Variants in MDGA2 observed in about 807,000 individuals in gnomAD.
MDGA2 encodes MAM domain containing glycosylphosphatidylinositol anchor 2.
A neutral mutation model predicts 117.8 loss-of-function variants in MDGA2; 40 were observed. That is an observed-to-expected ratio of 0.34 (90% CI 0.26 to 0.44). The LOEUF is 0.44. Among genes scored for constraint, MDGA2 ranks in the 20% least tolerant of loss-of-function variants. MDGA2 has a pLI of 1.00. For missense variants in MDGA2, 1,123 were observed against 1,250.6 expected (o/e 0.90, Z 1.54); for synonymous variants, 452 against 439.0 (o/e 1.03, Z -0.37).
chr14:46,844,951 G>T (rs963916908), intron 16 of MDGA2, among the ~76,000 whole-genome samples: 6 of 152,078 alleles, frequency 3.9e-5, no homozygotes, highest in Admixed American at 6.5e-5. Context: ...GCGTGATCTT[G>T]GCTCACTGCA....
At chr14:47,548,873 G>T (rs1407302135) in intron 1 of MDGA2, among the ~76,000 whole-genome samples, 1 of 151,974 alleles carries the variant, frequency 6.6e-6, no homozygotes, top group African/African-American at 2.4e-5. Context: ...TCAGTCTATT[G>T]TTTGGCCCAA....
chr14:47,192,525 A>G (rs1885153827), intron 3 of MDGA2, among the ~76,000 whole-genome samples: 2 of 151,912 alleles, frequency 1.3e-5, no homozygotes, highest in African/African-American at 4.8e-5. Context: ...TGAGGCATGG[A>G]AATTGCTTGA....
At chr14:47,606,694 A>G (rs1258095080) in intron 1 of MDGA2, among the ~76,000 whole-genome samples, 1 of 152,150 alleles carries the variant, frequency 6.6e-6, no homozygotes, top group Non-Finnish European at 1.5e-5. Flanking sequence ...TATACTTATA[A>G]AGATGTATGA....
intron 1 of MDGA2, among the ~76,000 whole-genome samples, chr14:47,623,453 A>G (rs748221950): frequency 9.2e-5 from 14 of 152,222 alleles, no homozygotes; most frequent in Non-Finnish European, 1.9e-4. Context: ...TTTTTAAAAA[A>G]TTAGGTCACA....
chr14:47,227,839 C>T (rs1886561954), intron 2 of MDGA2, among the ~76,000 whole-genome samples: 1 of 152,126 alleles, frequency 6.6e-6, no homozygotes, highest in Non-Finnish European at 1.5e-5. Context: ...AAAGCCTCAT[C>T]ATTTTCTTTG....
chr14:47,561,354 C>A (rs1895813058), intron 1 of MDGA2, among the ~76,000 whole-genome samples: 2 of 151,762 alleles, frequency 1.3e-5, no homozygotes, highest in Non-Finnish European at 2.9e-5. Flanking sequence ...TGAATCTTCC[C>A]ATCCATGAGC....
At chr14:47,593,928 T>C (rs1896488791) in intron 1 of MDGA2, among the ~76,000 whole-genome samples, 1 of 152,206 alleles carries the variant, frequency 6.6e-6, no homozygotes, top group Admixed American at 6.6e-5. Context: ...CTTTGCCGAT[T>C]TGTGAGGTTA....
chr14:47,641,002 T>A (rs947670287), intron 1 of MDGA2, among the ~76,000 whole-genome samples: 1 of 150,234 alleles, frequency 6.7e-6, no homozygotes, highest in Non-Finnish European at 1.5e-5. Flanking sequence ...TTCTTTACCT[T>A]TTTTTTTTGT....
At chr14:46,964,919 C>CTTTTTTATTTTTTTTTTTTT (rs1885957144) in intron 8 of MDGA2, among the ~76,000 whole-genome samples, 1 of 89,814 alleles carries the variant, frequency 1.1e-5, no homozygotes, top group Non-Finnish European at 2.0e-5. Context: ...TATATATTTA[C>CTTTTTTATTTTTTTTTTTTT]TTTTTTTTTT....
At chr14:47,280,546 A>G (rs1440459970) in intron 2 of MDGA2, among the ~76,000 whole-genome samples, 3 of 152,030 alleles carry the variant, frequency 2.0e-5, no homozygotes, top group Non-Finnish European at 4.4e-5. Flanking sequence ...AATGTTTTAA[A>G]ATGTTTTCCA....
intron 1 of MDGA2, among the ~76,000 whole-genome samples, chr14:47,673,667 T>C (rs1213178076): frequency 7.0e-6 from 1 of 143,532 alleles, no homozygotes; most frequent in Non-Finnish European, 1.5e-5. Context: ...TGTGTGTGTG[T>C]GTGCTTCCAT....
chr14:47,400,112 C>T (rs955366142), intron 1 of MDGA2, among the ~76,000 whole-genome samples: 2 of 152,084 alleles, frequency 1.3e-5, no homozygotes, highest in Admixed American at 6.5e-5. Context: ...AGGTGCAGAA[C>T]ATTTAAAAGT....
intron 8 of MDGA2, among the ~76,000 whole-genome samples, chr14:46,990,951 T>C (rs1288532015): frequency 1.3e-5 from 2 of 151,866 alleles, no homozygotes; most frequent in African/African-American, 4.8e-5. Context: ...TCATTGATTG[T>C]TTCTTTAAAG....
At chr14:46,870,510 T>A (rs1321051089) in intron 14 of MDGA2, among the ~76,000 whole-genome samples, 1 of 151,958 alleles carries the variant, frequency 6.6e-6, no homozygotes, top group Non-Finnish European at 1.5e-5. Flanking sequence ...TAATGAACTA[T>A]CTCATCTAGC....
chr14:46,994,972 A>G (rs1887233582), intron 8 of MDGA2, among the ~76,000 whole-genome samples: 2 of 152,116 alleles, frequency 1.3e-5, no homozygotes, highest in Non-Finnish European at 2.9e-5. Flanking sequence ...TTGTGGATAC[A>G]CCCATATTGG....
intron 3 of MDGA2, among the ~76,000 whole-genome samples, chr14:47,159,487 G>A (rs549328124): frequency 6.6e-6 from 1 of 152,188 alleles, no homozygotes; most frequent in East Asian, 1.9e-4. Context: ...CCCATTAATT[G>A]TCCTTAAATT....
chr14:47,586,199 T>TA (rs1399580265), intron 1 of MDGA2, among the ~76,000 whole-genome samples: 1 of 151,928 alleles, frequency 6.6e-6, no homozygotes, highest in Non-Finnish European at 1.5e-5. Flanking sequence ...AATTGGTGTA[T>TA]AGCATTAACC....
At chr14:46,893,685 C>T (rs1882970233) in intron 10 of MDGA2, among the ~76,000 whole-genome samples, 1 of 151,942 alleles carries the variant, frequency 6.6e-6, no homozygotes, top group African/African-American at 2.4e-5. Context: ...AGTGTATTCA[C>T]ATTTTAATAC....
chr14:46,922,439 G>T (rs1038648357), intron 9 of MDGA2, among the ~76,000 whole-genome samples: 3 of 152,108 alleles, frequency 2.0e-5, no homozygotes, highest in African/African-American at 7.2e-5. Context: ...TGTCAAACTG[G>T]ATTTGATATG....
Sources: gnomAD v4.1 joint callset for allele counts (sites outside exome capture counted in the v4.1 genomes callset) on GRCh38, gnomAD v4.1.1 for gene constraint, MANE v1.5 for transcripts, NCBI Gene and HGNC (gene_info 2026-07-23, HGNC 2026-07-21) for gene names.